Variants in PEX11B observed in about 807,000 individuals in gnomAD.
The protein encoded by PEX11B is peroxisomal biogenesis factor 11 beta.
In PEX11B, 18 loss-of-function variants were observed where a neutral mutation model predicts 28.2. The observed-to-expected ratio is 0.64, with a 90% CI of 0.44 to 0.95. PEX11B has a LOEUF of 0.95. PEX11B is among the 40% of genes least tolerant of loss of function. PEX11B has a pLI of 0.00. For synonymous variants in PEX11B, 128 were observed against 128.7 expected (o/e 0.99, Z 0.04); for missense variants, 305 against 319.8 (o/e 0.95, Z 0.35).
intron 3 of PEX11B, among the ~76,000 whole-genome samples, chr1:145,916,198 TAGA>T (rs587641168): frequency 3.2e-4 from 49 of 152,346 alleles, no homozygotes; most frequent in African/African-American, 1.1e-3. Context: ...AAGCCTTACT[TAGA>T]ATGTGCAATT....
intron 3 of PEX11B, 56 bp from the exon 4 acceptor site, chr1:145,912,622 AACATC>A: frequency 8.6e-7 from 1 of 1,159,882 alleles, no homozygotes; most frequent in Admixed American, 2.7e-5. Flanking sequence ...TAACATATCC[AACATC>A]ACATTTTAAC....
chr1:145,918,494 G>C (rs1210207469), intron 1 of PEX11B, 139 bp downstream of exon 1: 2 of 1,537,366 alleles, frequency 1.3e-6, no homozygotes, highest in African/African-American at 1.4e-5. Flanking sequence ...TCAAATCTGC[G>C]CCTCACGGTC....
chr1:145,913,680 G>T (rs1278630116), intron 3 of PEX11B, among the ~76,000 whole-genome samples: 1 of 151,534 alleles, frequency 6.6e-6, no homozygotes, highest in African/African-American at 2.4e-5. Context: ...TGTTTTGAAA[G>T]AACAAATTTC....
At chr1:145,915,258 A>G (rs587680995) in intron 3 of PEX11B, among the ~76,000 whole-genome samples, 1 of 152,272 alleles carries the variant, frequency 6.6e-6, no homozygotes, top group South Asian at 2.1e-4. Flanking sequence ...TGCCTACCAT[A>G]TAGTAAGAGC....
In PEX11B at chr1:145,911,504, C is replaced by T. The variant is rs1553753029; in HGVS notation, c.*657G>A. 6.3e-6 allele frequency: 1 copy of T among 158,982 alleles called. No homozygotes were observed. The highest frequency in any genetic ancestry group is 2.4e-5 in the African/African-American group (1 of 42,350). The allele number at this position is 158,982 out of a possible 1,614,324, so 9.8% of individuals were successfully genotyped here. Reference sequence around the variant, plus strand: ...TGGATAAGCGACAAAGGAGTAAGAACAGACTGGGGAATAAAGCTCTGAAAT... The same window carrying T: ...TGGATAAGCGACAAAGGAGTAAGAATAGACTGGGGAATAAAGCTCTGAAAT... On this transcript the variant is annotated 3_prime_UTR_variant, in exon 4 of 4. Coordinates refer to ENST00000369306, the MANE Select transcript of PEX11B (RefSeq NM_003846.3).
At chr1:145,913,404 G>A (rs1657894319) in intron 3 of PEX11B, among the ~76,000 whole-genome samples, 1 of 152,086 alleles carries the variant, frequency 6.6e-6, no homozygotes, top group African/African-American at 2.4e-5. Flanking sequence ...TACAAACATC[G>A]AGCTATAACT....
chr1:145,912,380 A>G lies in PEX11B; in HGVS notation c.561T>C (p.Ala187=), dbSNP rs1553753266. The part of the protein sequence containing the change: ...GTPGGGLPQL[A]LKLRLQVLLL... The stretch of plus-strand genomic sequence containing the variant: ...GCAGGACTTGCAGCCGAAGTTTCAG[A>G]GCCAGTTGGGGCAGACCTCCTCCTG... The change falls in exon 4 of 4, where the codon GCT becomes GCC. Residue 187 remains alanine (A), a synonymous_variant. Transcript: ENST00000369306. 1 of 1,612,660 alleles carries G rather than the reference A, an allele frequency of 6.2e-7. No homozygotes were observed. Among genetic ancestry groups the G allele is most frequent in the Admixed American group, 1.7e-5 (1 of 59,868 alleles).
intron 3 of PEX11B, among the ~76,000 whole-genome samples, chr1:145,915,067 C>A: frequency 6.6e-6 from 1 of 152,168 alleles, no homozygotes; most frequent in East Asian, 1.9e-4. Context: ...CCACACCCGG[C>A]TAATTTTGTA....
intron 3 of PEX11B, among the ~76,000 whole-genome samples, chr1:145,915,093 G>A (rs1221039090): frequency 1.3e-5 from 2 of 152,184 alleles, no homozygotes; most frequent in Admixed American, 6.5e-5. Flanking sequence ...AGTAGAGACG[G>A]GGTTTCTCCA....
intron 1 of PEX11B, chr1:145,918,355 C>T (rs982277206): frequency 1.3e-6 from 2 of 1,528,278 alleles, no homozygotes; most frequent in Middle Eastern, 1.7e-4. Context: ...CTCATTCCAT[C>T]ACCGCCCAGT....
intron 2 of PEX11B, 62 bp from the exon 3 acceptor site, chr1:145,917,080 A>T: frequency 9.2e-7 from 1 of 1,084,020 alleles, no homozygotes; most frequent in Non-Finnish European, 1.4e-6. Context: ...AACAAGAAAC[A>T]GAAACAGAGA....
chr1:145,917,613 A>G, intron 2 of PEX11B, 88 bp downstream of exon 2: 1 of 778,898 alleles, frequency 1.3e-6, no homozygotes, highest in Middle Eastern at 2.3e-4. Context: ...AAAGAAGAAC[A>G]GAGAGGGTAC....
chr1:145,912,842 C>G (rs1278559019), intron 3 of PEX11B, among the ~76,000 whole-genome samples: 1 of 152,112 alleles, frequency 6.6e-6, no homozygotes, highest in Non-Finnish European at 1.5e-5. Flanking sequence ...AATCCCAGCA[C>G]TTTGGGAGGC....
intron 3 of PEX11B, 66 bp downstream of exon 3, chr1:145,916,751 T>C (rs1647393822): frequency 6.3e-6 from 7 of 1,114,390 alleles, no homozygotes; most frequent in Non-Finnish European, 9.6e-6. Flanking sequence ...CTTTCCCTCA[T>C]ATAAGACAAG....
intron 1 of PEX11B, chr1:145,918,120 A>C: frequency 1.0e-6 from 1 of 985,466 alleles, no homozygotes; most frequent in Non-Finnish European, 1.2e-6. Flanking sequence ...CAGCGTGAGC[A>C]TGTACGTGAT....
chr1:145,918,593 TCCCTC>T, intron 1 of PEX11B, 35 bp downstream of exon 1: 1 of 1,532,048 alleles, frequency 6.5e-7, no homozygotes, highest in Non-Finnish European at 8.9e-7. Flanking sequence ...CCTCTGTCCA[TCCCTC>T]CCCCGCCCCA....
At chr1:145,918,244 G>C in intron 1 of PEX11B, 1 of 985,456 alleles carries the variant, frequency 1.0e-6, no homozygotes, top group Non-Finnish European at 1.2e-6. Flanking sequence ...GGAGGCAGGG[G>C]AGTTCCCGAA....
At chr1:145,918,123 T>A (rs1647515734) in intron 1 of PEX11B, 4 of 985,436 alleles carry the variant, frequency 4.1e-6, no homozygotes, top group South Asian at 9.4e-5. Context: ...CGTGAGCATG[T>A]ACGTGATCGA....
chr1:145,918,593 T>G, intron 1 of PEX11B, 40 bp downstream of exon 1: 1 of 1,532,060 alleles, frequency 6.5e-7, no homozygotes, highest in Non-Finnish European at 8.9e-7. Context: ...CCTCTGTCCA[T>G]CCCTCCCCCG....
Sources: gnomAD v4.1 joint callset for allele counts (sites outside exome capture counted in the v4.1 genomes callset) on GRCh38, gnomAD v4.1.1 for gene constraint, MANE v1.5 for transcripts, NCBI Gene and HGNC (gene_info 2026-07-23, HGNC 2026-07-21) for gene names.